The following SLC15A1 variants were observed in gnomAD, a reference collection of about 807,000 sequenced individuals.
SLC15A1 encodes the protein Caco-2 oligopeptide transporter.
A neutral mutation model predicts 92.9 loss-of-function variants in SLC15A1; 83 were observed. The observed-to-expected ratio is 0.89, with a 90% CI of 0.75 to 1.07. SLC15A1 has a LOEUF of 1.07. Among genes scored for constraint, SLC15A1 ranks in the 50% least tolerant of loss-of-function variants. The probability of loss-of-function intolerance (pLI) is 0.00; values close to 1 mark genes in which losing one functional copy is unlikely to be tolerated. For synonymous variants in SLC15A1, 322 were observed against 318.2 expected, an observed-to-expected ratio of 1.01 and a Z score of -0.13; for missense variants, 857 against 880.1, an observed-to-expected ratio of 0.97 and a Z score of 0.33.
intron 1 of SLC15A1, among the ~76,000 whole-genome samples, chr13:98,729,007 C>CCCCAAAAAAAAAAAAAAAAAAAAAA (rs2088326356): frequency 1.4e-5 from 1 of 69,652 alleles, no homozygotes; most frequent in African/African-American, 5.3e-5. Flanking sequence ...AAAAAAAAAA[C>CCCCAAAAAAAAAAAAAAAAAAAAAA]AACAAGCCCC....
chr13:98,739,309 G>T (rs1356957171), intron 1 of SLC15A1, among the ~76,000 whole-genome samples: 3 of 152,206 alleles, frequency 2.0e-5, no homozygotes, highest in Admixed American at 1.3e-4. Context: ...TATTGGGAAG[G>T]CATGCTTGTA....
chr13:98,713,756 C>T (rs545578509), intron 9 of SLC15A1, among the ~76,000 whole-genome samples: 24 of 152,052 alleles, frequency 1.6e-4, no homozygotes, highest in African/African-American at 5.3e-4. Context: ...GATCGAAAGG[C>T]AGTAAGTTGG....
At chr13:98,711,007 T>G (rs1221887732) in intron 11 of SLC15A1, among the ~76,000 whole-genome samples, 5 of 151,938 alleles carry the variant, frequency 3.3e-5, no homozygotes, top group Non-Finnish European at 5.9e-5. Flanking sequence ...GTGTTTCCAG[T>G]GACCGGCTCC....
intron 1 of SLC15A1, among the ~76,000 whole-genome samples, chr13:98,749,579 C>A (rs1164297926): frequency 6.6e-6 from 1 of 152,172 alleles, no homozygotes; most frequent in African/African-American, 2.4e-5. Context: ...TCGGAGGCTG[C>A]TTTTTCTTAC....
intron 18 of SLC15A1, among the ~76,000 whole-genome samples, chr13:98,692,723 G>A (rs116029285): frequency 0.01 from 1,562 of 152,206 alleles, 30 homozygotes; most frequent in African/African-American, 0.036. Flanking sequence ...CACCAGCAAT[G>A]AATAAGGGTA....
At chr13:98,707,034 C>A (rs1174161611) in intron 15 of SLC15A1, among the ~76,000 whole-genome samples, 2 of 152,206 alleles carry the variant, frequency 1.3e-5, no homozygotes, top group Non-Finnish European at 2.9e-5. Flanking sequence ...ACACATCTCA[C>A]AAATGCCTGA....
At chr13:98,697,019 C>T (rs1252279349) in intron 18 of SLC15A1, among the ~76,000 whole-genome samples, 3 of 152,142 alleles carry the variant, frequency 2.0e-5, no homozygotes, top group Non-Finnish European at 2.9e-5. Context: ...TGATCTTACA[C>T]TTCCAGCCTC....
At chr13:98,719,615 G>A (rs1566452193) in intron 7 of SLC15A1, among the ~76,000 whole-genome samples, 3 of 152,250 alleles carry the variant, frequency 2.0e-5, no homozygotes, top group East Asian at 3.9e-4. Flanking sequence ...AGATAAAGAT[G>A]ACCTGGATAC....
At chr13:98,719,070 A>G (rs1313038990) in intron 8 of SLC15A1, among the ~76,000 whole-genome samples, 167 bp downstream of exon 8, 1 of 152,170 alleles carries the variant, frequency 6.6e-6, no homozygotes, top group African/African-American at 2.4e-5. Context: ...TGATGTGCCA[A>G]TCCTACTTTC....
At chr13:98,706,805 T>C (rs2088116605) in intron 15 of SLC15A1, among the ~76,000 whole-genome samples, 1 of 152,186 alleles carries the variant, frequency 6.6e-6, no homozygotes, top group Admixed American at 6.5e-5. Flanking sequence ...GAGAATGGAC[T>C]AATACGTGAA....
At chr13:98,695,456 A>G (rs1334891438) in intron 18 of SLC15A1, among the ~76,000 whole-genome samples, 1 of 151,966 alleles carries the variant, frequency 6.6e-6, no homozygotes, top group Admixed American at 6.6e-5. Flanking sequence ...GCAATGGTGC[A>G]ATCTTGGCTC....
chr13:98,732,520 A>G (rs1437622016), intron 1 of SLC15A1, among the ~76,000 whole-genome samples: 1 of 152,212 alleles, frequency 6.6e-6, no homozygotes, highest in African/African-American at 2.4e-5. Flanking sequence ...GCACGACTCA[A>G]TAAAATCTCC....
intron 8 of SLC15A1, among the ~76,000 whole-genome samples, chr13:98,718,300 C>CTTTTTTTTTTTTTTTTTTTTT (rs532286337): frequency 1.2e-5 from 1 of 84,128 alleles, no homozygotes; most frequent in Non-Finnish European, 2.0e-5. Context: ...TCACCTTCAT[C>CTTTTTTTTTTTTTTTTTTTTT]TTTTTTTTTT....
Position 98,715,871 on chromosome 13 carries a change from T to A in SLC15A1, c.723+7A>T. The A allele has an allele frequency of 6.2e-7, 1 of 1,612,422 alleles. No individual in the cohort carries two copies. Among genetic ancestry groups the A allele is most frequent in the Non-Finnish European group, 8.5e-7 (1 of 1,178,392 alleles). On this transcript the variant is annotated splice_region_variant and intron_variant, in intron 9 of 22. Transcript: ENST00000376503. ...TAGCCTTGAGAAAGAGCAGCTGAGATACTTACACCGATGCACTTGGCCACT... is the reference window on the plus strand; with the variant it reads ...TAGCCTTGAGAAAGAGCAGCTGAGAAACTTACACCGATGCACTTGGCCACT...
chr13:98,722,015 A>C, intron 5 of SLC15A1, 112 bp from the exon 6 acceptor site: 1 of 807,836 alleles, frequency 1.2e-6, no homozygotes, highest in South Asian at 2.2e-5. Context: ...ATAGAGAAGA[A>C]GACAATCTCG....
chr13:98,744,145 GC>G (rs1004021673), intron 1 of SLC15A1, among the ~76,000 whole-genome samples: 15 of 151,162 alleles, frequency 9.9e-5, no homozygotes, highest in Non-Finnish European at 1.9e-4. Context: ...GGAGGCTCAG[GC>G]AGGAGGATTG....
At chr13:98,727,164 A>G (rs1313875863) in intron 1 of SLC15A1, among the ~76,000 whole-genome samples, 1 of 152,232 alleles carries the variant, frequency 6.6e-6, no homozygotes, top group African/African-American at 2.4e-5. Flanking sequence ...GCCCATCGGG[A>G]TAAAATCCAC....
chr13:98,686,040 A>G (rs2087926332), intron 22 of SLC15A1, 150 bp downstream of exon 22: 7 of 617,180 alleles, frequency 1.1e-5, no homozygotes, highest in Middle Eastern at 2.6e-4. Flanking sequence ...CCATAAGGCT[A>G]TTTGGGAACA....
chr13:98,730,984 C>T (rs1295769969), intron 1 of SLC15A1, among the ~76,000 whole-genome samples: 5 of 152,176 alleles, frequency 3.3e-5, no homozygotes, highest in Admixed American at 2.6e-4. Context: ...TTCTGGTGCC[C>T]TCCCTGCAAG....
Sources: allele counts gnomAD v4.1 joint callset (sites outside exome capture counted in the v4.1 genomes callset), GRCh38; gene constraint gnomAD v4.1.1; transcripts MANE v1.5; gene names NCBI Gene and HGNC (gene_info 2026-07-23, HGNC 2026-07-21).